Variants in NT5DC3 observed in about 807,000 individuals in gnomAD.
The protein encoded by NT5DC3 is 5'-nucleotidase domain containing 3.
Under a neutral mutation model 67.8 loss-of-function variants are expected in NT5DC3, and 42 were observed. The observed-to-expected ratio is 0.62, with a 90% CI of 0.48 to 0.80. The LOEUF is 0.80. Ranked by LOEUF, NT5DC3 falls within the 30% of genes least tolerant of loss-of-function variation. NT5DC3 has a pLI of 0.00. For missense variants in NT5DC3, 570 were observed against 696.4 expected (o/e 0.82, Z 2.04); for synonymous variants, 237 against 255.6 (o/e 0.93, Z 0.69).
chr12:103,840,419 T>TCATCTCATTCCATCC (rs1566137806), intron 1 of NT5DC3, among the ~76,000 whole-genome samples: 6 of 125,802 alleles, frequency 4.8e-5, no homozygotes, highest in Non-Finnish European at 8.7e-5. Context: ...TCATCTCATC[T>TCATCTCATTCCATCC]CATTCCATCC....
At chr12:103,804,853 A>T (rs902559197) in intron 4 of NT5DC3, among the ~76,000 whole-genome samples, 27 of 152,324 alleles carry the variant, frequency 1.8e-4, no homozygotes, top group African/African-American at 6.5e-4. Context: ...GGAGTTCAAG[A>T]CCAGCCTGGC....
chr12:103,784,184 C>T (rs1885671743), intron 12 of NT5DC3, among the ~76,000 whole-genome samples: 1 of 152,214 alleles, frequency 6.6e-6, no homozygotes, highest in Non-Finnish European at 1.5e-5. Flanking sequence ...TAGTGTATGA[C>T]ATGCACAGAC....
the NT5DC3 span, among the ~76,000 whole-genome samples, chr12:103,756,996 A>AATATATATATAT: frequency 3.7e-3 from 210 of 56,210 alleles, 2 homozygotes; most frequent in East Asian, 9.9e-3. Flanking sequence ...AAGGAGGGAA[A>AATATATATATAT]ATATATATAT....
intron 9 of NT5DC3, 28 bp from the exon 10 acceptor site, chr12:103,788,947 A>G: frequency 7.1e-7 from 1 of 1,414,356 alleles, no homozygotes; most frequent in Non-Finnish European, 1.0e-6. Flanking sequence ...AAACATTATG[A>G]CATGGAGTAG....
At chr12:103,761,941 T>C in the NT5DC3 span, among the ~76,000 whole-genome samples, 2 of 152,118 alleles carry the variant, frequency 1.3e-5, no homozygotes, top group Non-Finnish European at 2.9e-5. Context: ...TTCCACAGCA[T>C]AGTGGTTAAG....
At chr12:103,808,766 C>T (rs527742870) in intron 2 of NT5DC3, among the ~76,000 whole-genome samples, 2 of 152,234 alleles carry the variant, frequency 1.3e-5, no homozygotes, top group South Asian at 4.1e-4. Flanking sequence ...GAAGAGGGGC[C>T]AAGGGACTTC....
intron 1 of NT5DC3, among the ~76,000 whole-genome samples, chr12:103,816,678 T>A (rs908560572): frequency 1.1e-4 from 17 of 152,374 alleles, no homozygotes; most frequent in African/African-American, 3.6e-4. Context: ...TTAAAAAATC[T>A]AAGATGTGAT....
rs1310739851 is a variant in NT5DC3, at chr12:103,793,400, A to C, written c.917+10T>G. The C allele has an allele frequency of 6.2e-7, 1 of 1,609,580 alleles. No individual in the cohort carries two copies. The highest frequency in any genetic ancestry group is 1.3e-5 in the African/African-American group (1 of 74,794). ...GCCAGAAGCTAGCAATGAAACACAG[A>C]GCAACTTACACAAAGCTACTGGGGC... On this transcript the variant is annotated intron_variant, in intron 8 of 13. Coordinates refer to ENST00000392876, the MANE Select transcript of NT5DC3 (RefSeq NM_001031701.3).
At chr12:103,757,659 T>C in the NT5DC3 span, among the ~76,000 whole-genome samples, 3 of 152,088 alleles carry the variant, frequency 2.0e-5, no homozygotes, top group Non-Finnish European at 2.9e-5. Context: ...GGGAAGAACA[T>C]TCCAGGCAGA....
the NT5DC3 span, chr12:103,763,501 G>T: frequency 7.4e-6 from 12 of 1,613,958 alleles, no homozygotes; most frequent in Non-Finnish European, 1.0e-5. Flanking sequence ...GTCGGAAGAG[G>T]ACATTAATGT....
the NT5DC3 span, chr12:103,753,497 T>C: frequency 9.0e-7 from 1 of 1,114,206 alleles, no homozygotes; most frequent in Non-Finnish European, 1.3e-6. Context: ...ACAGTCACCA[T>C]GTCCATTTAT....
intron 11 of NT5DC3, among the ~76,000 whole-genome samples, chr12:103,787,231 T>G (rs1358019898): frequency 6.6e-6 from 1 of 151,272 alleles, no homozygotes; most frequent in Admixed American, 6.6e-5. Context: ...TTTATCTTTT[T>G]CACAACTCTG....
At chr12:103,820,729 C>G (rs1022451015) in intron 1 of NT5DC3, 1 of 152,124 alleles carries the variant, frequency 6.6e-6, no homozygotes, top group Non-Finnish European at 1.5e-5. Flanking sequence ...TCACTCAGGC[C>G]TTAGGCACAC....
Position 103,797,015 on chromosome 12 carries a change from G to T in NT5DC3, c.632C>A (p.Thr211Lys), listed in dbSNP as rs753570835. Reference sequence around the variant, plus strand: ...GAAGATGTCCATGAACTGCTTCATCGTGTTTCCATGAGAGCTCTGCAGACA... The same window carrying T: ...GAAGATGTCCATGAACTGCTTCATCTTGTTTCCATGAGAGCTCTGCAGACA... Reference protein sequence around the residue: ...DFYGKSSHGNTMKQFMDIFSL... With the variant: ...DFYGKSSHGNKMKQFMDIFSL... Residue 211 changes from threonine (T) to lysine (K), a missense_variant, in exon 6 of 14, where the codon ACG becomes AAG. Thr to Lys is a moderately conservative substitution (Grantham distance 78, BLOSUM62 -1). Transcript: ENST00000392876. The T allele has an allele frequency of 5.0e-6, 8 of 1,614,092 alleles. No homozygotes were observed. The highest frequency in any genetic ancestry group is 6.8e-6 in the Non-Finnish European group (8 of 1,179,998).
chr12:103,750,615 G>C, the NT5DC3 span: 1 of 1,614,190 alleles, frequency 6.2e-7, no homozygotes, highest in Admixed American at 1.7e-5. Context: ...TCACTATGTC[G>C]GAGATGGGCT....
rs1243346227 is a variant in NT5DC3 at position 103,788,885 on chromosome 12, G to T, written c.1054C>A (p.Leu352Ile). Residue 352 changes from leucine to isoleucine, a missense_variant, in exon 10 of 14, where the codon CTC becomes ATC. Physicochemically the swap from Leu to Ile is conservative, Grantham distance 5. Around this residue, in one of 2 missense-constraint regions of NT5DC3, gnomAD observed 466 missense variants for 608.0 expected, o/e 0.77. Transcript: ENST00000392876. ...FRKMNEKGVL[L>I]WDKIHKLQKG... The stretch of plus-strand genomic sequence containing the variant: ...TGCAACTTATGGATTTTATCCCAGA[G>T]TAAGACACCTTTCTCATTCATCTTT... 1.2e-6 allele frequency: 2 copies of T among 1,613,296 alleles called. No individual in the cohort carries two copies. Among genetic ancestry groups the T allele is most frequent in the African/African-American group, 1.3e-5 (1 of 74,870 alleles).
chr12:103,827,309 A>T (rs1887737642), intron 1 of NT5DC3, among the ~76,000 whole-genome samples: 1 of 152,204 alleles, frequency 6.6e-6, no homozygotes. Context: ...TACATATCTT[A>T]AAATTCTCTG....
chr12:103,759,171 T>A, the NT5DC3 span: 2 of 1,614,194 alleles, frequency 1.2e-6, no homozygotes, highest in Non-Finnish European at 1.7e-6. Flanking sequence ...ACCTCGCCAA[T>A]GTCAGCATGT....
chr12:103,793,235 T>C lies in NT5DC3; in HGVS notation c.948A>G (p.Lys316=). 1 of 1,610,420 alleles carries C rather than the reference T, an allele frequency of 6.2e-7. No individual in the cohort carries two copies. Among genetic ancestry groups the C allele is most frequent in the Non-Finnish European group, 8.5e-7 (1 of 1,179,180 alleles). Residue 316 remains lysine (K), a synonymous_variant, in exon 9 of 14, where the codon AAA becomes AAG. Transcript: ENST00000392876. The part of the protein sequence containing the change: ...VDKGMSYIVG[K]DWRDLFDVVI... ...CCACATCGAACAGGTCCCTCCAGTC[T>C]TTCCCAACGATATAACTCATCCCTT...
Sources: allele counts gnomAD v4.1 joint callset (sites outside exome capture counted in the v4.1 genomes callset), GRCh38; gene constraint gnomAD v4.1.1; regional missense constraint gnomAD v4.1.1; transcripts MANE v1.5; gene names NCBI Gene and HGNC (gene_info 2026-07-23, HGNC 2026-07-21).